Variants in MYRFL observed in about 807,000 individuals in gnomAD.
MYRFL encodes myelin regulatory factor-like protein.
A neutral mutation model predicts 109.4 loss-of-function variants in MYRFL; 88 were observed. The ratio of observed to expected loss-of-function variants is 0.80; its 90% CI spans 0.68 to 0.96. MYRFL has a LOEUF of 0.96. Among genes scored for constraint, MYRFL ranks in the 40% least tolerant of loss-of-function variants. The pLI, the probability that MYRFL is intolerant of heterozygous loss-of-function variation, is 0.00. For synonymous variants in MYRFL, 324 were observed against 320.9 expected (o/e 1.01, Z -0.10); for missense variants, 957 against 954.9 (o/e 1.00, Z -0.03).
chr12:69,846,816 A>G (rs1251882889), intron 1 of MYRFL, among the ~76,000 whole-genome samples: 1 of 151,916 alleles, frequency 6.6e-6, no homozygotes, highest in African/African-American at 2.4e-5. Flanking sequence ...TCCCACCAAC[A>G]GTGTAAAAGT....
chr12:69,952,102 T>C lies in MYRFL; in HGVS notation c.2225-11T>C. ...AAGCCTTCAAGATTGACAGACTTGT[T>C]TCCTTTTCAGAAGACAAAAGCAAAT... On this transcript the variant is annotated splice_polypyrimidine_tract_variant and intron_variant, in intron 19 of 24. Transcript: ENST00000552032. 6.5e-7 allele frequency: 1 copy of C among 1,536,056 alleles called. No individual in the cohort carries two copies.
chr12:69,850,629 CT>C, intron 1 of MYRFL, among the ~76,000 whole-genome samples: 1 of 152,154 alleles, frequency 6.6e-6, no homozygotes, highest in South Asian at 2.1e-4. Context: ...AGTATTACAT[CT>C]CTTCCCACCT....
rs1956011627 is a variant in MYRFL at position 69,952,794 on chromosome 12, T to C, written c.2288-5T>C. On this transcript the variant is annotated splice_polypyrimidine_tract_variant and splice_region_variant and intron_variant, in intron 20 of 24. Transcript: ENST00000552032. Reference sequence around the variant, plus strand: ...ATTTACTTTGTCTATTTCTTCTCAATTCAGGGATTGATACAACCATCAGTT... The same window carrying C: ...ATTTACTTTGTCTATTTCTTCTCAACTCAGGGATTGATACAACCATCAGTT... The C allele has an allele frequency of 6.6e-7, 1 of 1,517,042 alleles. No individual in the cohort carries two copies. The highest frequency in any genetic ancestry group is 1.4e-5 in the African/African-American group (1 of 72,472). The allele number at this position is 1,517,042 out of a possible 1,614,324, so 94.0% of individuals were successfully genotyped here.
At chr12:69,909,711 T>G (rs1028423589) in intron 11 of MYRFL, among the ~76,000 whole-genome samples, 9 of 152,268 alleles carry the variant, frequency 5.9e-5, no homozygotes, top group African/African-American at 1.7e-4. Context: ...CAGCCTTTAA[T>G]GATGTGAGAG....
chr12:69,874,796 T>C (rs1023860840), intron 2 of MYRFL, among the ~76,000 whole-genome samples: 2 of 152,128 alleles, frequency 1.3e-5, no homozygotes, highest in African/African-American at 2.4e-5. Flanking sequence ...TCTGGAGATT[T>C]TGATTAGTCA....
intron 13 of MYRFL, among the ~76,000 whole-genome samples, chr12:69,913,445 T>A (rs1294896465): frequency 6.6e-6 from 1 of 152,228 alleles, no homozygotes; most frequent in Non-Finnish European, 1.5e-5. Flanking sequence ...GGTTTTACAT[T>A]CCTGTTTTTG....
intron 1 of MYRFL, among the ~76,000 whole-genome samples, chr12:69,841,783 G>C (rs773683803): frequency 2.0e-5 from 3 of 152,140 alleles, no homozygotes; most frequent in Admixed American, 2.0e-4. Flanking sequence ...ATCTTGCTAT[G>C]ATATGTTTTT....
At chr12:69,957,756 G>C (rs1364395892) in intron 22 of MYRFL, 66 bp from the exon 23 acceptor site, 2 of 1,467,082 alleles carry the variant, frequency 1.4e-6, no homozygotes, top group African/African-American at 1.4e-5. Flanking sequence ...CTCTTATCAA[G>C]ATGTATCCTA....
intron 19 of MYRFL, 56 bp downstream of exon 19, chr12:69,936,688 T>G (rs1592866489): frequency 7.1e-7 from 1 of 1,402,418 alleles, no homozygotes; most frequent in East Asian, 2.6e-5. Context: ...TTGTTTTTCT[T>G]GTCACAATTT....
At chr12:69,893,989 ATTTT>A (rs60637559) in intron 8 of MYRFL, 149 bp downstream of exon 8, 98 of 113,124 alleles carry the variant, frequency 8.7e-4, no homozygotes, top group Non-Finnish European at 1.3e-3. Flanking sequence ...AATAATGTTA[ATTTT>A]TTTTTTTTTT....
At chr12:69,917,220 T>C (rs1339610772) in intron 13 of MYRFL, among the ~76,000 whole-genome samples, 1 of 152,122 alleles carries the variant, frequency 6.6e-6, no homozygotes, top group East Asian at 1.9e-4. Context: ...ACTGTAAGAA[T>C]GTGTAGTGCC....
intron 4 of MYRFL, among the ~76,000 whole-genome samples, chr12:69,879,971 G>C (rs1457587391): frequency 6.6e-6 from 1 of 152,064 alleles, no homozygotes; most frequent in Non-Finnish European, 1.5e-5. Flanking sequence ...TATCTTCCCT[G>C]TCTCAATGAG....
chr12:69,825,480 G>A lies in MYRFL; in HGVS notation c.-38G>A, dbSNP rs577911421. 157 of 699,568 alleles carry A rather than the reference G, an allele frequency of 2.2e-4. No individual in the cohort carries two copies. The highest frequency in any genetic ancestry group is 4.6e-4 in the Middle Eastern group (2 of 4,348). 43.3% of individuals were successfully genotyped at this position (699,568 alleles called of 1,614,324 possible). ...ACTTATTTCCTGAGGTCTGATAACC[G>A]TTGTTTTATGAGGAAATAGTACTAG... On this transcript the variant is annotated 5_prime_UTR_variant, in exon 1 of 25. Transcript: ENST00000552032.
At chr12:69,880,675 G>T (rs927849949) in intron 5 of MYRFL, among the ~76,000 whole-genome samples, 1 of 152,204 alleles carries the variant, frequency 6.6e-6, no homozygotes, top group Non-Finnish European at 1.5e-5. Context: ...GAAATAGCAT[G>T]AGGATCTTGG....
chr12:69,890,807 T>G (rs1886752832), intron 6 of MYRFL, among the ~76,000 whole-genome samples, 164 bp from the exon 7 acceptor site: 1 of 152,258 alleles, frequency 6.6e-6, no homozygotes, highest in Non-Finnish European at 1.5e-5. Flanking sequence ...TGAAATGTTA[T>G]TTTTATTTCC....
At chr12:69,918,485 T>C (rs1954815814) in intron 13 of MYRFL, among the ~76,000 whole-genome samples, 1 of 152,110 alleles carries the variant, frequency 6.6e-6, no homozygotes, top group South Asian at 2.1e-4. Flanking sequence ...GATGTGTGGC[T>C]CTCTCTGGAA....
intron 1 of MYRFL, among the ~76,000 whole-genome samples, chr12:69,854,158 A>G (rs970416545): frequency 1.3e-5 from 2 of 152,204 alleles, no homozygotes; most frequent in African/African-American, 4.8e-5. Flanking sequence ...CAGTCCGGCC[A>G]ACACGGGAAA....
At chr12:69,926,210 C>T (rs1350151732) in intron 13 of MYRFL, among the ~76,000 whole-genome samples, 5 of 148,118 alleles carry the variant, frequency 3.4e-5, no homozygotes, top group Admixed American at 1.3e-4. Flanking sequence ...CTGCAACCTC[C>T]GCCTCCTGGG....
At chr12:69,875,368 A>T in intron 2 of MYRFL, among the ~76,000 whole-genome samples, 1 of 151,434 alleles carries the variant, frequency 6.6e-6, no homozygotes, top group Middle Eastern at 3.2e-3. Flanking sequence ...CTGAGATTTT[A>T]TTTATTTTTT....
Sources: gnomAD v4.1 joint callset for allele counts (sites outside exome capture counted in the v4.1 genomes callset) on GRCh38, gnomAD v4.1.1 for gene constraint, MANE v1.5 for transcripts, NCBI Gene and HGNC (gene_info 2026-07-23, HGNC 2026-07-21) for gene names.